Variants in KCNN3 observed in about 807,000 individuals in gnomAD.
The protein encoded by KCNN3 is small conductance calcium-activated potassium channel protein 3.
Under a neutral mutation model 62.9 loss-of-function variants are expected in KCNN3, and 16 were observed. The ratio of observed to expected loss-of-function variants is 0.25; its 90% CI spans 0.17 to 0.39. KCNN3 has a LOEUF of 0.39. Among genes scored for constraint, KCNN3 ranks in the 10% least tolerant of loss-of-function variants. KCNN3 has a pLI of 1.00. For missense variants in KCNN3, 599 were observed against 949.4 expected (o/e 0.63, Z 4.85); for synonymous variants, 370 against 389.2 (o/e 0.95, Z 0.58).
At chr1:154,787,909 T>A (rs1649355587) in intron 2 of KCNN3, among the ~76,000 whole-genome samples, 1 of 152,106 alleles carries the variant, frequency 6.6e-6, no homozygotes, top group Non-Finnish European at 1.5e-5. Context: ...TCCCTAAGCC[T>A]GAGAAGCAGC....
chr1:154,724,198 G>A (rs539738288), intron 5 of KCNN3, among the ~76,000 whole-genome samples: 2 of 152,208 alleles, frequency 1.3e-5, no homozygotes, highest in Non-Finnish European at 2.9e-5. Flanking sequence ...AGAAACTGGA[G>A]AGGCCTTGGC....
At position 154,700,333 on chromosome 1, in the gene KCNN3, G is replaced by A. The variant is rs1450044606; in HGVS notation, c.*7643C>T. Reference sequence around the variant, plus strand: ...TGCTGGTCTGTGGACCACACTTTGAGTAGCAAGGGTTAGCATATAGCCATG... The same window carrying A: ...TGCTGGTCTGTGGACCACACTTTGAATAGCAAGGGTTAGCATATAGCCATG... On this transcript the variant is annotated 3_prime_UTR_variant, in exon 8 of 8. Transcript: ENST00000271915. The A allele has an allele frequency of 2.6e-5, 4 of 152,222 alleles. No homozygotes were observed. The allele number at this position is 152,222 out of a possible 1,614,324, so 9.4% of individuals were successfully genotyped here.
chr1:154,789,492 T>C (rs1017316891), intron 2 of KCNN3, among the ~76,000 whole-genome samples: 2 of 152,202 alleles, frequency 1.3e-5, no homozygotes, highest in African/African-American at 4.8e-5. Flanking sequence ...AAATCTAGTT[T>C]AATCTTCCTA....
intron 2 of KCNN3, among the ~76,000 whole-genome samples, chr1:154,783,392 A>G (rs1272182130): frequency 6.6e-6 from 1 of 152,198 alleles, no homozygotes; most frequent in Non-Finnish European, 1.5e-5. Flanking sequence ...AGACTGGGCT[A>G]TGTTTGTGGA....
intron 2 of KCNN3, among the ~76,000 whole-genome samples, chr1:154,813,676 T>A (rs991603322): frequency 6.6e-5 from 10 of 152,154 alleles, no homozygotes; most frequent in African/African-American, 2.4e-4. Flanking sequence ...AGCCTTAACA[T>A]GCCCGGAGCA....
At chr1:154,834,432 G>A (rs116286121) in intron 1 of KCNN3, among the ~76,000 whole-genome samples, 1 of 152,166 alleles carries the variant, frequency 6.6e-6, no homozygotes, top group African/African-American at 2.4e-5. Flanking sequence ...CATGGTCTAG[G>A]GGGGGTCAGG....
chr1:154,792,370 C>G (rs1473458417), intron 2 of KCNN3, among the ~76,000 whole-genome samples: 1 of 152,186 alleles, frequency 6.6e-6, no homozygotes, highest in Non-Finnish European at 1.5e-5. Context: ...AGAGTAACAA[C>G]AGGAATCAGA....
chr1:154,701,868 G>A lies in KCNN3; in HGVS notation c.*6108C>T, dbSNP rs1278166224. ...ATGCCTAGGATTTTGAGTATTTTAA[G>A]TTACAGGAAAACAGGACTCTTTCTT... is the stretch of plus-strand genomic sequence containing the variant. On this transcript the variant is annotated 3_prime_UTR_variant, in exon 8 of 8. Transcript: ENST00000271915. 4 of 152,204 alleles carry A rather than the reference G, an allele frequency of 2.6e-5. No individual in the cohort carries two copies. Among genetic ancestry groups the A allele is most frequent in the African/African-American group, 9.7e-5 (4 of 41,440 alleles). The allele number at this position is 152,204 out of a possible 1,614,324, so 9.4% of individuals were successfully genotyped here. A position where few individuals can be genotyped will look rare whatever the true frequency, so the allele number is the denominator to read the frequency against.
At chr1:154,709,224 A>C (rs760624366) in intron 7 of KCNN3, among the ~76,000 whole-genome samples, 6 of 152,100 alleles carry the variant, frequency 3.9e-5, no homozygotes, top group Admixed American at 1.3e-4. Flanking sequence ...TCTCCCAGCA[A>C]ATTAGCAAAT....
chr1:154,842,602 G>T (rs1651880549), intron 1 of KCNN3, among the ~76,000 whole-genome samples: 1 of 150,590 alleles, frequency 6.6e-6, no homozygotes, highest in African/African-American at 2.5e-5. Context: ...GACAGAATCT[G>T]GTTTCCCTCC....
At chr1:154,718,631 G>A (rs2101771342) in intron 5 of KCNN3, among the ~76,000 whole-genome samples, 1 of 152,336 alleles carries the variant, frequency 6.6e-6, no homozygotes, top group African/African-American at 2.4e-5. Flanking sequence ...CGGTACCACA[G>A]TGAACAAATC....
At chr1:154,836,224 G>T (rs748180573) in intron 1 of KCNN3, among the ~76,000 whole-genome samples, 2 of 152,168 alleles carry the variant, frequency 1.3e-5, no homozygotes, top group African/African-American at 4.8e-5. Flanking sequence ...CAGCCAGAAG[G>T]TACCTCGTAC....
chr1:154,766,289 C>G (rs1026411495), intron 3 of KCNN3, among the ~76,000 whole-genome samples: 25 of 151,376 alleles, frequency 1.7e-4, no homozygotes, highest in South Asian at 6.3e-4. Flanking sequence ...GGTTTGCAAA[C>G]TTTTAAAATC....
At position 154,869,191 on chromosome 1, in the gene KCNN3, G is replaced by A. The variant is rs759634001; in HGVS notation, c.774C>T (p.Ala258=). 4 of 1,614,038 alleles carry A rather than the reference G, an allele frequency of 2.5e-6. No homozygotes were observed. The African/African-American group carries it at 4.0e-5, about 16-fold the overall frequency. ...CAATGTTTTGGTTTTTCCGCTTGTT[G>A]GCTTTGGGGAAGGTGGTGCTGCTGG... ...TTASSTTFPK[A]NKRKNQNIGY... The change falls in exon 1 of 8, where the codon GCC becomes GCT. Residue 258 remains alanine (A), a synonymous_variant. Coordinates refer to ENST00000271915, the MANE Select transcript of KCNN3 (RefSeq NM_002249.6). The surrounding 1 kb of genome is among the most constrained non-coding windows in gnomAD (Gnocchi z 6.1).
At chr1:154,747,180 A>T (rs1700955832) in intron 3 of KCNN3, among the ~76,000 whole-genome samples, 1 of 152,060 alleles carries the variant, frequency 6.6e-6, no homozygotes, top group Non-Finnish European at 1.5e-5. Flanking sequence ...TGGCTCCTCT[A>T]GCTCTCTCAA....
intron 2 of KCNN3, among the ~76,000 whole-genome samples, chr1:154,803,995 C>T (rs181531796): frequency 1.3e-5 from 2 of 152,370 alleles, no homozygotes; most frequent in Non-Finnish European, 1.5e-5. Flanking sequence ...TGCAACTCTG[C>T]ATTTTCCTTG....
chr1:154,712,010 C>T (rs12142670), intron 7 of KCNN3, among the ~76,000 whole-genome samples: 19 of 118,632 alleles, frequency 1.6e-4, no homozygotes, highest in South Asian at 2.9e-4. Flanking sequence ...GACAGGGAGA[C>T]GGAGAGGAAG....
At position 154,862,384 on chromosome 1, in the gene KCNN3, C is replaced by T. The variant is rs1291281461; in HGVS notation, c.933+6648G>A. ...GCTCATGTGACTGTCCCCCGATAAA[C>T]AGCCACACAGCCAGTGCTGGAGGAG... On this transcript the variant is annotated intron_variant, in intron 1 of 7. Coordinates refer to ENST00000271915, the MANE Select transcript of KCNN3 (RefSeq NM_002249.6). The surrounding 1 kb of genome is among the most constrained non-coding windows in gnomAD (Gnocchi z 4.1). 2.6e-5 allele frequency among the ~76,000 whole-genome samples: 4 copies of T among 152,132 alleles called. No individual in the cohort carries two copies. The highest frequency in any genetic ancestry group is 1.3e-4 in the Admixed American group (2 of 15,280).
intron 2 of KCNN3, among the ~76,000 whole-genome samples, chr1:154,820,900 G>T (rs1650863064): frequency 6.6e-6 from 1 of 152,228 alleles, no homozygotes; most frequent in African/African-American, 2.4e-5. Flanking sequence ...CTGACCTTCA[G>T]ACAAAAAGCC....
Sources: gnomAD v4.1 joint callset for allele counts (sites outside exome capture counted in the v4.1 genomes callset) on GRCh38, gnomAD v4.1.1 for gene constraint, Gnocchi (gnomAD v3.1) non-coding constraint, MANE v1.5 for transcripts, NCBI Gene and HGNC (gene_info 2026-07-23, HGNC 2026-07-21) for gene names.